The following KDF1 variants were observed in gnomAD, a reference collection of about 807,000 sequenced individuals.
The protein encoded by KDF1 is keratinocyte differentiation factor 1.
KDF1 carries 11 observed loss-of-function variants against 31.6 expected under a neutral mutation model. The ratio of observed to expected loss-of-function variants is 0.35; its 90% CI spans 0.22 to 0.58. The LOEUF (loss-of-function observed/expected upper bound fraction) is 0.58, where lower values mean the gene tolerates loss of function less well. Among genes scored for constraint, KDF1 ranks in the 20% least tolerant of loss-of-function variants. KDF1 has a pLI of 0.83. For missense variants in KDF1, 476 were observed against 549.1 expected (o/e 0.87, Z 1.33); for synonymous variants, 205 against 214.4 (o/e 0.96, Z 0.38).
In KDF1 at chr1:26,951,204, A is replaced by C. The variant is rs2082346461; in HGVS notation, c.1039+138T>G. 3.1e-6 allele frequency: 3 copies of C among 962,254 alleles called. No individual in the cohort carries two copies. The highest frequency in any genetic ancestry group is 3.3e-5 in the African/African-American group (2 of 60,492). 59.6% of individuals were successfully genotyped at this position (962,254 alleles called of 1,614,324 possible). A position where few individuals can be genotyped will look rare whatever the true frequency, so the allele number is the denominator to read the frequency against. On this transcript the variant is annotated intron_variant, in intron 2 of 3. Transcript: ENST00000320567. This position sits in a 1 kb window ranked among gnomAD's most constrained non-coding sequence, Gnocchi z 5.4. ...AGTGGGAGCTGGGGAGAGGGGATGC[A>C]AGAGTTGACAGAAAGGAGGAGGAAA...
rs770558931 is a variant in KDF1 at position 26,952,260 on chromosome 1, G to A, written c.121C>T (p.Arg41Cys). Residue 41 changes from arginine (R) to cysteine (C), a missense_variant, in exon 2 of 4, where the codon CGC becomes TGC. Transcript: ENST00000320567. The surrounding 1 kb of genome is among the most constrained non-coding windows in gnomAD (Gnocchi z 4.1). The part of the protein sequence containing the change: ...DKPPQPPPSR[R>C]TRRPDPKDPG... ...TCCTTGGGGTCTGGTCTACGGGTGCGGCGGCTTGGTGGGGGCTGAGGTGGT... is the reference window on the plus strand; with the variant it reads ...TCCTTGGGGTCTGGTCTACGGGTGCAGCGGCTTGGTGGGGGCTGAGGTGGT... 3.3e-5 allele frequency: 53 copies of A among 1,585,966 alleles called. No homozygotes were observed. The East Asian group carries it at 7.6e-4, about 23-fold the overall frequency.
In KDF1 at chr1:26,950,003, TC is replaced by T; in HGVS notation, c.*65del. On this transcript the variant is annotated 3_prime_UTR_variant, in exon 4 of 4. Coordinates refer to ENST00000320567, the MANE Select transcript of KDF1 (RefSeq NM_152365.3). This position sits in a 1 kb window ranked among gnomAD's most constrained non-coding sequence, Gnocchi z 4.0. ...AAGCCTCTCCCACAGGGGTTCCTGG[TC>T]CCCCTCTTCATTCTGTAGGCCATGC... 1 of 1,495,216 alleles carries T rather than the reference TC, an allele frequency of 6.7e-7. No individual in the cohort carries two copies. Among genetic ancestry groups the T allele is most frequent in the Non-Finnish European group, 9.3e-7 (1 of 1,075,966 alleles). The allele number at this position is 1,495,216 out of a possible 1,614,324, so 92.6% of individuals were successfully genotyped here.
intron 1 of KDF1, among the ~76,000 whole-genome samples, chr1:26,958,597 C>T (rs1357720856): frequency 6.6e-6 from 1 of 152,166 alleles, no homozygotes; most frequent in Non-Finnish European, 1.5e-5. Context: ...ATATTATTAC[C>T]TGTATTATTA....
chr1:26,952,181 G>C lies in KDF1; in HGVS notation c.200C>G (p.Pro67Arg). 6.2e-7 allele frequency: 1 copy of C among 1,613,408 alleles called. No individual in the cohort carries two copies. The highest frequency in any genetic ancestry group is 1.1e-5 in the South Asian group (1 of 91,022). The stretch of plus-strand genomic sequence containing the variant: ...GCAGCAGGTGGGGGACTCAAGGGCC[G>C]GCTCAGCAGAGCCAGAGATGAAGGT... ...SITFISGSAEPALESPTCCLL... is the reference protein window; with the variant it reads ...SITFISGSAERALESPTCCLL... The change falls in exon 2 of 4, where the codon CCG (proline) becomes CGG (arginine). Residue 67 changes from proline to arginine, a missense_variant. Pro to Arg is a moderately radical substitution (Grantham distance 103, BLOSUM62 -2). Around this residue, in one of 2 missense-constraint regions of KDF1, gnomAD observed 330 missense variants for 332.3 expected, o/e 0.99. Coordinates refer to ENST00000320567, the MANE Select transcript of KDF1 (RefSeq NM_152365.3). This position sits in a 1 kb window ranked among gnomAD's most constrained non-coding sequence, Gnocchi z 4.1.
Position 26,952,431 on chromosome 1 carries a change from G to C in KDF1, c.-32-19C>G, listed in dbSNP as rs778640487. ...CAGGCACCTGCGTGGGGAGAGGCCA[G>C]GAAGGAGTCAGGATCAGAGGTGAGG... On this transcript the variant is annotated intron_variant, in intron 1 of 3. Coordinates refer to ENST00000320567, the MANE Select transcript of KDF1 (RefSeq NM_152365.3). This position sits in a 1 kb window ranked among gnomAD's most constrained non-coding sequence, Gnocchi z 4.1. 2 of 1,461,890 alleles carry C rather than the reference G, an allele frequency of 1.4e-6. No individual in the cohort carries two copies. The highest frequency in any genetic ancestry group is 1.8e-6 in the Non-Finnish European group (2 of 1,101,228). 90.6% of individuals were successfully genotyped at this position (1,461,890 alleles called of 1,614,324 possible).
chr1:26,951,733 G>A lies in KDF1; in HGVS notation c.648C>T (p.Tyr216=), dbSNP rs772817105. Residue 216 remains tyrosine (Y), a synonymous_variant, in exon 2 of 4, where the codon TAC becomes TAT. Coordinates refer to ENST00000320567, the MANE Select transcript of KDF1 (RefSeq NM_152365.3). This position sits in a 1 kb window ranked among gnomAD's most constrained non-coding sequence, Gnocchi z 5.4. ...CCAGGTCCGACTCATGGAAAGAATA[G>A]TACTCCTCGGAGCCACGAGGACTAC... is the stretch of plus-strand genomic sequence containing the variant. ...FASSPRGSEE[Y]YSFHESDLDL... 5 of 1,613,896 alleles carry A rather than the reference G, an allele frequency of 3.1e-6. No individual in the cohort carries two copies. The highest frequency in any genetic ancestry group is 1.7e-5 in the Admixed American group (1 of 60,006).
At position 26,951,981 on chromosome 1, in the gene KDF1, C is replaced by G; in HGVS notation, c.400G>C (p.Val134Leu). Reference protein sequence around the residue: ...EANWAKEHNGVPPSPDRAPPS... With the variant: ...EANWAKEHNGLPPSPDRAPPS... ...GGTGCACGATCAGGGCTGGGGGGCA[C>G]TCCATTGTGCTCCTTGGCCCAGTTG... The change falls in exon 2 of 4, where the codon GTG becomes CTG. Residue 134 changes from valine to leucine, a missense_variant. Val to Leu is a conservative substitution (Grantham distance 32, BLOSUM62 1). Transcript: ENST00000320567. This position sits in a 1 kb window ranked among gnomAD's most constrained non-coding sequence, Gnocchi z 5.4. 6.2e-7 allele frequency: 1 copy of G among 1,609,488 alleles called. No homozygotes were observed. The highest frequency in any genetic ancestry group is 8.5e-7 in the Non-Finnish European group (1 of 1,176,718).
intron 1 of KDF1, among the ~76,000 whole-genome samples, chr1:26,954,229 T>G (rs1448442244): frequency 3.3e-5 from 5 of 151,326 alleles, no homozygotes; most frequent in African/African-American, 4.8e-5. Flanking sequence ...AATATGTTTT[T>G]TTTTTTTTTT....
In KDF1 at chr1:26,952,928, G is replaced by A. The variant is rs2082359676; in HGVS notation, c.-32-516C>T. ...GAACCCGGGTGGCAGAGGTTGCAGT[G>A]AGCCAAGATCACGCCATTGCACTCC... On this transcript the variant is annotated intron_variant, in intron 1 of 3. Coordinates refer to ENST00000320567, the MANE Select transcript of KDF1 (RefSeq NM_152365.3). This position sits in a 1 kb window ranked among gnomAD's most constrained non-coding sequence, Gnocchi z 4.1. Among the ~76,000 whole-genome samples, 1 of 151,638 alleles carries A rather than the reference G, an allele frequency of 6.6e-6. No homozygotes were observed. The highest frequency in any genetic ancestry group is 2.4e-5 in the African/African-American group (1 of 41,218).
At position 26,951,223 on chromosome 1, in the gene KDF1, G is replaced by A; in HGVS notation, c.1039+119C>T. The A allele has an allele frequency of 9.2e-7, 1 of 1,083,526 alleles. No homozygotes were observed. Among genetic ancestry groups the A allele is most frequent in the Non-Finnish European group, 1.3e-6 (1 of 778,170 alleles). 67.1% of individuals were successfully genotyped at this position (1,083,526 alleles called of 1,614,324 possible). A position where few individuals can be genotyped will look rare whatever the true frequency, so the allele number is the denominator to read the frequency against. ...GGATGCAAGAGTTGACAGAAAGGAG[G>A]AGGAAAGGCAGGGACTGGCTGAGGG... is the stretch of plus-strand genomic sequence containing the variant. On this transcript the variant is annotated intron_variant, in intron 2 of 3. Coordinates refer to ENST00000320567, the MANE Select transcript of KDF1 (RefSeq NM_152365.3). This position sits in a 1 kb window ranked among gnomAD's most constrained non-coding sequence, Gnocchi z 5.4.
Position 26,950,586 on chromosome 1 carries a change from C to A in KDF1, c.1114+96G>T. 1 of 1,021,140 alleles carries A rather than the reference C, an allele frequency of 9.8e-7. No individual in the cohort carries two copies. The highest frequency in any genetic ancestry group is 1.5e-6 in the Non-Finnish European group (1 of 659,224). 63.3% of individuals were successfully genotyped at this position (1,021,140 alleles called of 1,614,324 possible). ...GGTCCCCGTCCCTTTTTGATGTCAT[C>A]CTCATCACCCCAAAAGAAAGCTGGG... On this transcript the variant is annotated intron_variant, in intron 3 of 3. Transcript: ENST00000320567. This position sits in a 1 kb window ranked among gnomAD's most constrained non-coding sequence, Gnocchi z 4.0.
chr1:26,952,468 G>A lies in KDF1; in HGVS notation c.-32-56C>T. ...GATCAGAGGTGAGGGACAAACTCCT[G>A]GGCTGACTTGAGCAGCTTCACATTT... On this transcript the variant is annotated intron_variant, in intron 1 of 3. Transcript: ENST00000320567. The surrounding 1 kb of genome is among the most constrained non-coding windows in gnomAD (Gnocchi z 4.1). 1 of 1,262,496 alleles carries A rather than the reference G, an allele frequency of 7.9e-7. No individual in the cohort carries two copies. Among genetic ancestry groups the A allele is most frequent in the South Asian group, 1.6e-5 (1 of 62,520 alleles). 78.2% of individuals were successfully genotyped at this position (1,262,496 alleles called of 1,614,324 possible).
intron 1 of KDF1, among the ~76,000 whole-genome samples, chr1:26,959,326 C>T (rs561861989): frequency 1.3e-5 from 2 of 152,248 alleles, no homozygotes; most frequent in Admixed American, 6.5e-5. Context: ...TGTATCTCCC[C>T]GACCCTGCTG....
Position 26,949,667 on chromosome 1 carries a change from A to G in KDF1, c.*402T>C. ...ATAGAGTGGGCCCTGCCCACCCCCCAATACAATACATTTAAGATAAGCTTC... is the reference window on the plus strand; with the variant it reads ...ATAGAGTGGGCCCTGCCCACCCCCCGATACAATACATTTAAGATAAGCTTC... On this transcript the variant is annotated 3_prime_UTR_variant, in exon 4 of 4. Transcript: ENST00000320567. 4.7e-6 allele frequency: 1 copy of G among 211,526 alleles called. No homozygotes were observed. Among genetic ancestry groups the G allele is most frequent in the Non-Finnish European group, 9.6e-6 (1 of 104,352 alleles). 13.1% of individuals were successfully genotyped at this position (211,526 alleles called of 1,614,324 possible). A position where few individuals can be genotyped will look rare whatever the true frequency, so the allele number is the denominator to read the frequency against.
Position 26,949,992 on chromosome 1 carries a change from G to A in KDF1, c.*77C>T, listed in dbSNP as rs1313451451. On this transcript the variant is annotated 3_prime_UTR_variant, in exon 4 of 4. Coordinates refer to ENST00000320567, the MANE Select transcript of KDF1 (RefSeq NM_152365.3). ...GCTTCAGGTCTAAGCCTCTCCCACA[G>A]GGGTTCCTGGTCCCCCTCTTCATTC... The A allele has an allele frequency of 9.6e-6, 14 of 1,464,044 alleles. No homozygotes were observed. The African/African-American group carries it at 1.4e-4, about 15-fold the overall frequency. The allele number at this position is 1,464,044 out of a possible 1,614,324, so 90.7% of individuals were successfully genotyped here. A position where few individuals can be genotyped will look rare whatever the true frequency, so the allele number is the denominator to read the frequency against.
rs1444056644 is a variant in KDF1, at chr1:26,950,610, G to A, written c.1114+72C>T. The A allele has an allele frequency of 5.6e-6, 7 of 1,258,306 alleles. No individual in the cohort carries two copies. The highest frequency in any genetic ancestry group is 3.0e-5 in the African/African-American group (2 of 67,488). The allele number at this position is 1,258,306 out of a possible 1,614,324, so 77.9% of individuals were successfully genotyped here. ...TCCTCATCACCCCAAAAGAAAGCTGGGAGAGCAGCAGGTGAGGGGCCCCTA... is the reference window on the plus strand; with the variant it reads ...TCCTCATCACCCCAAAAGAAAGCTGAGAGAGCAGCAGGTGAGGGGCCCCTA... On this transcript the variant is annotated intron_variant, in intron 3 of 3. Coordinates refer to ENST00000320567, the MANE Select transcript of KDF1 (RefSeq NM_152365.3). The surrounding 1 kb of genome is among the most constrained non-coding windows in gnomAD (Gnocchi z 4.0).
At chr1:26,959,666 T>C (rs1157430613) in intron 1 of KDF1, among the ~76,000 whole-genome samples, 2 of 151,386 alleles carry the variant, frequency 1.3e-5, no homozygotes, top group Non-Finnish European at 3.0e-5. Context: ...TCTTCCCCCT[T>C]AGTCCCGCGA....
chr1:26,952,000 C>T lies in KDF1; in HGVS notation c.381G>A (p.Trp127Ter). 6.2e-7 allele frequency: 1 copy of T among 1,612,554 alleles called. No individual in the cohort carries two copies. Among genetic ancestry groups the T allele is most frequent in the Non-Finnish European group, 8.5e-7 (1 of 1,179,144 alleles). Residue 127 changes from tryptophan (W) to a stop codon, truncating the protein, a stop_gained, in exon 2 of 4, where the codon TGG becomes TGA. Transcript: ENST00000320567. LOFTEE classifies it high-confidence loss of function. This position sits in a 1 kb window ranked among gnomAD's most constrained non-coding sequence, Gnocchi z 5.4. ...DSTEGTAEANWAKEHNGVPPS... is the reference protein window; with the variant it reads ...DSTEGTAEAN ...GGGGCACTCCATTGTGCTCCTTGGC[C>T]CAGTTGGCTTCAGCAGTCCCCTCAG...
chr1:26,951,972 T>G lies in KDF1; in HGVS notation c.409A>C (p.Ser137Arg). The change falls in exon 2 of 4, where the codon AGC becomes CGC. Residue 137 changes from serine (S) to arginine (R), a missense_variant. Transcript: ENST00000320567. The surrounding 1 kb of genome is among the most constrained non-coding windows in gnomAD (Gnocchi z 5.4). ...WAKEHNGVPP[S>R]PDRAPPSRRD... Reference sequence around the variant, plus strand: ...CGGCTGGGGGGTGCACGATCAGGGCTGGGGGGCACTCCATTGTGCTCCTTG... The same window carrying G: ...CGGCTGGGGGGTGCACGATCAGGGCGGGGGGGCACTCCATTGTGCTCCTTG... The G allele has an allele frequency of 6.2e-7, 1 of 1,609,502 alleles. No homozygotes were observed. Among genetic ancestry groups the G allele is most frequent in the Non-Finnish European group, 8.5e-7 (1 of 1,176,854 alleles).
Sources: gnomAD v4.1 joint callset for allele counts (sites outside exome capture counted in the v4.1 genomes callset) on GRCh38, gnomAD v4.1.1 for gene constraint, gnomAD v4.1.1 regional missense constraint, Gnocchi (gnomAD v3.1) non-coding constraint, MANE v1.5 for transcripts, NCBI Gene and HGNC (gene_info 2026-07-23, HGNC 2026-07-21) for gene names.